ALOX12: variants seen among roughly 807,000 people sequenced by gnomAD.
ALOX12 encodes the protein arachidonate 12-lipoxygenase, 12S type, also known as polyunsaturated fatty acid lipoxygenase ALOX12.
In ALOX12, 62 loss-of-function variants were observed where a neutral mutation model predicts 85.5. That is an observed-to-expected ratio of 0.73 (90% confidence interval 0.59 to 0.90). The LOEUF is 0.90. Among genes scored for constraint, ALOX12 ranks in the 40% least tolerant of loss-of-function variants. ALOX12 has a pLI of 0.00. For synonymous variants in ALOX12, 299 were observed against 332.7 expected (o/e 0.90, Z 1.10); for missense variants, 751 against 856.5 (o/e 0.88, Z 1.54).
In ALOX12 at chr17:7,001,713, C is replaced by CA. The variant is rs757900153; in HGVS notation, c.1064dup (p.His355GlnfsTer15). ...GGTCCGAAATTCAGATTTCCAACTGCACGAGATCCAGTATCACTTGCTGAA... is the reference window on the plus strand; with the variant it reads ...GGTCCGAAATTCAGATTTCCAACTGCAACGAGATCCAGTATCACTTGCTGAA... On this transcript the variant is annotated frameshift_variant, in exon 8 of 14. Coordinates refer to ENST00000251535, the MANE Select transcript of ALOX12 (RefSeq NM_000697.3). LOFTEE classifies it high-confidence loss of function. 6.2e-7 allele frequency: 1 copy of CA among 1,614,146 alleles called. No homozygotes were observed. The highest frequency in any genetic ancestry group is 8.5e-7 in the Non-Finnish European group (1 of 1,179,988).
At chr17:7,007,268 T>G (rs1368799030) in intron 11 of ALOX12, among the ~76,000 whole-genome samples, 1 of 152,190 alleles carries the variant, frequency 6.6e-6, no homozygotes, top group African/African-American at 2.4e-5. Flanking sequence ...TCCCCACATT[T>G]GAACCTCTGA....
At chr17:7,005,756 T>A in intron 9 of ALOX12, 102 bp from the exon 10 acceptor site, 1 of 1,304,906 alleles carries the variant, frequency 7.7e-7, no homozygotes, top group South Asian at 1.3e-5. Context: ...TGTATACCCA[T>A]GTCTTAATAT....
At position 7,005,343 on chromosome 17, in the gene ALOX12, G is replaced by A. The variant is rs1170561667; in HGVS notation, c.1248G>A (p.Lys416=). The change falls in exon 9 of 14, where the codon AAG becomes AAA. Residue 416 remains lysine, a splice_region_variant and synonymous_variant. Coordinates refer to ENST00000251535, the MANE Select transcript of ALOX12 (RefSeq NM_000697.3). ...QLISDGGIFD[K]AVSTGGGGHV... is the part of the protein sequence containing the mutation. The stretch of plus-strand genomic sequence containing the variant: ...TCTCAGATGGAGGAATTTTTGATAA[G>A]GTGAGGAGGGTACGGGGCATGGGAC... 3 of 1,610,520 alleles carry A rather than the reference G, an allele frequency of 1.9e-6. No homozygotes were observed. The highest frequency in any genetic ancestry group is 2.5e-6 in the Non-Finnish European group (3 of 1,176,906).
intron 8 of ALOX12, among the ~76,000 whole-genome samples, chr17:7,004,234 T>C (rs1329239352): frequency 7.2e-6 from 1 of 138,770 alleles, no homozygotes; most frequent in Non-Finnish European, 1.6e-5. Flanking sequence ...TAATTTAATA[T>C]TAATTTAACT....
In ALOX12 at chr17:6,996,977, G is replaced by C. The variant is rs375590131; in HGVS notation, c.287G>C (p.Cys96Ser). 6.3e-6 allele frequency: 10 copies of C among 1,577,228 alleles called. No individual in the cohort carries two copies. Among genetic ancestry groups the C allele is most frequent in the African/African-American group, 1.3e-5 (1 of 74,284 alleles). ...PGACAEVAFP[C>S]YRWVQGEDIL... Reference sequence around the variant, plus strand: ...GCCTGCGCGGAGGTGGCCTTCCCGTGCTACCGCTGGGTGCAGGGCGAGGAC... The same window carrying C: ...GCCTGCGCGGAGGTGGCCTTCCCGTCCTACCGCTGGGTGCAGGGCGAGGAC... The change falls in exon 2 of 14, where the codon TGC becomes TCC. Residue 96 changes from cysteine to serine, a missense_variant. Physicochemically the swap from Cys to Ser is moderately radical, Grantham distance 112 (BLOSUM62 -1). Transcript: ENST00000251535.
rs375269979 is a variant in ALOX12, at chr17:7,010,033, G to T, written c.1719G>T (p.Thr573=). Residue 573 remains threonine, a synonymous_variant, in exon 13 of 14, where the codon ACG becomes ACT. Coordinates refer to ENST00000251535, the MANE Select transcript of ALOX12 (RefSeq NM_000697.3). ...MPPPTTKEDV[T]MATVMGSLPD... ...CACCCACCACCAAGGAAGATGTGAC[G>T]ATGGCCACAGTGATGGGGTCACTAC... 6.2e-7 allele frequency: 1 copy of T among 1,614,200 alleles called. No individual in the cohort carries two copies. The highest frequency in any genetic ancestry group is 8.5e-7 in the Non-Finnish European group (1 of 1,180,030).
At chr17:6,997,212 C>T (rs1162056718) in intron 2 of ALOX12, 185 bp downstream of exon 2, 1 of 917,974 alleles carries the variant, frequency 1.1e-6, no homozygotes, top group African/African-American at 1.8e-5. Flanking sequence ...AAGTTTTACA[C>T]AGGCTAAGAG....
At position 7,000,521 on chromosome 17, in the gene ALOX12, A is replaced by C; in HGVS notation, c.951+42A>C. ...TCTCCCACAACGTTGCACTCTGTTC[A>C]CCTCAACCTCTGCTCCCAGGGACCC... On this transcript the variant is annotated intron_variant, in intron 7 of 13. Transcript: ENST00000251535. This position sits in a 1 kb window ranked among gnomAD's most constrained non-coding sequence, Gnocchi z 4.6. The C allele has an allele frequency of 6.2e-7, 1 of 1,602,424 alleles. No homozygotes were observed. The highest frequency in any genetic ancestry group is 8.5e-7 in the Non-Finnish European group (1 of 1,172,698).
At chr17:7,009,889 C>T in intron 12 of ALOX12, 42 bp downstream of exon 12, 1 of 1,613,854 alleles carries the variant, frequency 6.2e-7, no homozygotes, top group South Asian at 1.1e-5. Context: ...GGCAAGGTGA[C>T]CTGAGGGAGA....
chr17:7,008,800 A>C (rs1326613437), intron 11 of ALOX12, among the ~76,000 whole-genome samples: 2 of 152,106 alleles, frequency 1.3e-5, no homozygotes, highest in Non-Finnish European at 2.9e-5. Context: ...CTGCAAAATG[A>C]GTGGACTGAG....
At chr17:6,998,891 G>A in intron 4 of ALOX12, 54 bp downstream of exon 4, 1 of 1,614,082 alleles carries the variant, frequency 6.2e-7, no homozygotes, top group Non-Finnish European at 8.5e-7. Context: ...GGCCAAGAAT[G>A]ATGATAGACG....
chr17:7,007,371 C>T (rs1434334445), intron 11 of ALOX12, among the ~76,000 whole-genome samples: 1 of 152,234 alleles, frequency 6.6e-6, no homozygotes, highest in East Asian at 1.9e-4. Flanking sequence ...CCCCCTCACA[C>T]TTCAGATCTA....
intron 6 of ALOX12, 45 bp downstream of exon 6, chr17:6,999,511 G>A (rs1168137357): frequency 6.3e-7 from 1 of 1,599,472 alleles, no homozygotes; most frequent in Non-Finnish European, 8.6e-7. Flanking sequence ...CCTTAGTAGT[G>A]TGGTGAGAAC....
intron 11 of ALOX12, 42 bp from the exon 12 acceptor site, chr17:7,009,705 T>A: frequency 6.5e-7 from 1 of 1,533,272 alleles, no homozygotes; most frequent in African/African-American, 1.4e-5. Flanking sequence ...GTTCCTCTCC[T>A]CTTATGCTGT....
rs1349612092 is a variant in ALOX12, at chr17:7,005,777, C to T, written c.1249-81C>T. The T allele has an allele frequency of 1.2e-5, 18 of 1,493,758 alleles. No homozygotes were observed. In the East Asian group the frequency reaches 4.1e-4, roughly 34 times the overall value. 92.5% of individuals were successfully genotyped at this position (1,493,758 alleles called of 1,614,324 possible). A position where few individuals can be genotyped will look rare whatever the true frequency, so the allele number is the denominator to read the frequency against. On this transcript the variant is annotated intron_variant, in intron 9 of 13. Transcript: ENST00000251535. ...CCCATGTCTTAATATCTGAAAATCC[C>T]ACATTTGCCCCACTTTATGGAAGAT...
At position 7,010,096 on chromosome 17, in the gene ALOX12, A is replaced by C; in HGVS notation, c.1782A>C (p.Ser594=). ...AGGCCTGTCTTCAAATGGCCATCTC[A>C]TGGCATCTGAGTCGCCGCCAGCCAG... is the stretch of plus-strand genomic sequence containing the variant. ...VRQACLQMAI[S]WHLSRRQPDM... is the part of the protein sequence containing the mutation. The change falls in exon 13 of 14, where the codon TCA becomes TCC. Residue 594 remains serine (S), a synonymous_variant. Transcript: ENST00000251535. The C allele has an allele frequency of 6.2e-7, 1 of 1,613,466 alleles. No homozygotes were observed. The highest frequency in any genetic ancestry group is 8.5e-7 in the Non-Finnish European group (1 of 1,179,580).
chr17:7,005,751 AC>A, intron 9 of ALOX12, 106 bp from the exon 10 acceptor site: 1 of 1,252,848 alleles, frequency 8.0e-7, no homozygotes, highest in Non-Finnish European at 1.1e-6. Context: ...AGTGCTGTAT[AC>A]CCATGTCTTA....
chr17:7,005,833 T>C lies in ALOX12; in HGVS notation c.1249-25T>C, dbSNP rs765981671. The C allele has an allele frequency of 3.1e-6, 5 of 1,604,698 alleles. No homozygotes were observed. The African/African-American group carries it at 4.0e-5, about 13-fold the overall frequency. On this transcript the variant is annotated intron_variant, in intron 9 of 13. Transcript: ENST00000251535. ...GGTTCTCCAGCCCTGTTTCCCCCTC[T>C]AAGACCTGTGATCTCCTGTCCCAGG...
intron 2 of ALOX12, among the ~76,000 whole-genome samples, chr17:6,997,444 A>G (rs762543485): frequency 5.9e-5 from 9 of 152,122 alleles, no homozygotes; most frequent in Non-Finnish European, 1.3e-4. Flanking sequence ...GGAAGAAAAC[A>G]TAGGATGCTG....
Sources: gnomAD v4.1 joint callset for allele counts (sites outside exome capture counted in the v4.1 genomes callset) on GRCh38, gnomAD v4.1.1 for gene constraint, Gnocchi (gnomAD v3.1) non-coding constraint, MANE v1.5 for transcripts, NCBI Gene and HGNC (gene_info 2026-07-23, HGNC 2026-07-21) for gene names.